Variants in NMUR1 observed in about 807,000 individuals in gnomAD.
NMUR1 encodes neuromedin-U receptor 1.
A neutral mutation model predicts 18.8 loss-of-function variants in NMUR1; 16 were observed. That is an observed-to-expected ratio of 0.85 (90% CI 0.58 to 1.29). NMUR1 has a LOEUF of 1.29. Ranked by LOEUF, NMUR1 falls within the 50% of genes most tolerant of loss-of-function variation. The probability of loss-of-function intolerance (pLI) is 0.00; values close to 1 mark genes in which losing one functional copy is unlikely to be tolerated. For synonymous variants in NMUR1, 258 were observed against 258.2 expected, an observed-to-expected ratio of 1.00 and a Z score of 0.01; for missense variants, 529 against 580.3, an observed-to-expected ratio of 0.91 and a Z score of 0.91.
At chr2:231,529,908 G>C (rs1309076714) in intron 1 of NMUR1, among the ~76,000 whole-genome samples, 1 of 152,238 alleles carries the variant, frequency 6.6e-6, no homozygotes, top group Admixed American at 6.5e-5. Context: ...GAGTGTCAAG[G>C]CTACACACTA....
downstream of NMUR1, among the ~76,000 whole-genome samples, chr2:231,520,483 C>G (rs1348115291): frequency 6.6e-6 from 1 of 152,182 alleles, no homozygotes; most frequent in Non-Finnish European, 1.5e-5. Context: ...AACTCTTTCA[C>G]CCCTGTAAGT....
chr2:231,525,461 C>G (rs756127967), intron 2 of NMUR1, 36 bp from the exon 3 acceptor site: 39 of 1,567,540 alleles, frequency 2.5e-5, no homozygotes, highest in Middle Eastern at 4.1e-4. Context: ...AGTGCCCGCC[C>G]GAGGCCCCTC....
chr2:231,529,199 C>T (rs868118797), intron 1 of NMUR1, among the ~76,000 whole-genome samples, 182 bp from the exon 2 acceptor site: 1 of 152,104 alleles, frequency 6.6e-6, no homozygotes, highest in Admixed American at 6.5e-5. Flanking sequence ...TGCAGTGGCT[C>T]ACACCTGTAA....
intron 2 of NMUR1, among the ~76,000 whole-genome samples, chr2:231,526,139 C>T (rs573506011): frequency 1.2e-5 from 1 of 80,332 alleles, no homozygotes; most frequent in East Asian, 7.8e-4. Flanking sequence ...CAAACCTTCA[C>T]TTTCTCCCCA....
intron 1 of NMUR1, among the ~76,000 whole-genome samples, 198 bp from the exon 2 acceptor site, chr2:231,529,215 A>G (rs2047391837): frequency 6.6e-6 from 1 of 152,136 alleles, no homozygotes; most frequent in Non-Finnish European, 1.5e-5. Context: ...TGTAATCCCA[A>G]CACTTTGGTC....
Position 231,523,631 on chromosome 2 carries a change from C to G in NMUR1, c.*1412G>C, listed in dbSNP as rs1307475018. The G allele has an allele frequency of 6.2e-6, 1 of 160,958 alleles. No individual in the cohort carries two copies. The highest frequency in any genetic ancestry group is 2.4e-5 in the African/African-American group (1 of 41,962). The allele number at this position is 160,958 out of a possible 1,614,324, so 10.0% of individuals were successfully genotyped here. On this transcript the variant is annotated 3_prime_UTR_variant, in exon 3 of 3. Coordinates refer to ENST00000305141, the MANE Select transcript of NMUR1 (RefSeq NM_006056.5). ...CTAGGAAGCTGTCTGCAGGGAGAAC[C>G]CAGACAGACCGACCGAAGGTCATCC... is the stretch of plus-strand genomic sequence containing the variant.
chr2:231,522,125 G>A (rs2047310443), downstream of NMUR1, among the ~76,000 whole-genome samples: 1 of 151,780 alleles, frequency 6.6e-6, no homozygotes, highest in South Asian at 2.1e-4. Flanking sequence ...GACCACAGGT[G>A]TATGCCACCA....
At chr2:231,526,895 G>A (rs1289655386) in intron 2 of NMUR1, among the ~76,000 whole-genome samples, 2 of 152,274 alleles carry the variant, frequency 1.3e-5, no homozygotes, top group African/African-American at 2.4e-5. Flanking sequence ...CCAGGTCCAG[G>A]CCACAGAGAT....
At chr2:231,529,889 C>T (rs2047397940) in intron 1 of NMUR1, among the ~76,000 whole-genome samples, 1 of 152,254 alleles carries the variant, frequency 6.6e-6, no homozygotes, top group Non-Finnish European at 1.5e-5. Flanking sequence ...CTATGAGAGT[C>T]AAGTGAGGGA....
rs1233895973 is a variant in NMUR1, at chr2:231,528,225, T to G, written c.796A>C (p.Met266Leu). The change falls in exon 2 of 3, where the codon ATG becomes CTG. Residue 266 changes from methionine (M) to leucine (L), a missense_variant. Coordinates refer to ENST00000305141, the MANE Select transcript of NMUR1 (RefSeq NM_006056.5). ...LRLRRERLLL[M>L]QEAKGRGSAA... ...GAGCCCCTGCCCTTGGCCTCCTGCA[T>G]GAGCAGCAGCCTCTCCCGCCGCAGT... 1 of 1,612,682 alleles carries G rather than the reference T, an allele frequency of 6.2e-7. No homozygotes were observed. Among genetic ancestry groups the G allele is most frequent in the Admixed American group, 1.7e-5 (1 of 59,962 alleles).
At chr2:231,525,843 C>A (rs1390960034) in intron 2 of NMUR1, among the ~76,000 whole-genome samples, 1 of 152,184 alleles carries the variant, frequency 6.6e-6, no homozygotes, top group Non-Finnish European at 1.5e-5. Context: ...TGCATAAGTA[C>A]AGAAAAGAAG....
intron 1 of NMUR1, among the ~76,000 whole-genome samples, chr2:231,529,598 G>T (rs1575290564): frequency 6.6e-6 from 1 of 152,114 alleles, no homozygotes; most frequent in East Asian, 1.9e-4. Context: ...CCTCTTTCAA[G>T]CAATGATGCT....
chr2:231,521,350 G>A (rs1443814480), downstream of NMUR1, among the ~76,000 whole-genome samples: 1 of 152,174 alleles, frequency 6.6e-6, no homozygotes, highest in Non-Finnish European at 1.5e-5. Context: ...ACTCCTGTCT[G>A]GGTGACCAAG....
chr2:231,525,098 T>C lies in NMUR1; in HGVS notation c.1226A>G (p.His409Arg). ...TGGGCCATCGTTCCCAGCCAGGGGG[T>C]GGACCCAGCTGCCCAGGGAGCCCAC... ...CDVGSLGSWV[H>R]PLAGNDGPEA... The change falls in exon 3 of 3, where the codon CAC becomes CGC. Residue 409 changes from histidine (H) to arginine (R), a missense_variant. Physicochemically the swap from His to Arg is conservative, Grantham distance 29 (BLOSUM62 0). Coordinates refer to ENST00000305141, the MANE Select transcript of NMUR1 (RefSeq NM_006056.5). 1.2e-6 allele frequency: 2 copies of C among 1,609,910 alleles called. No homozygotes were observed. The highest frequency in any genetic ancestry group is 1.7e-6 in the Non-Finnish European group (2 of 1,177,806).
At chr2:231,525,590 C>T (rs1421329103) in intron 2 of NMUR1, among the ~76,000 whole-genome samples, 165 bp from the exon 3 acceptor site, 1 of 152,256 alleles carries the variant, frequency 6.6e-6, no homozygotes, top group African/African-American at 2.4e-5. Context: ...TCTGGCCATG[C>T]CTCTCTCAGA....
chr2:231,520,927 A>T (rs35559215), downstream of NMUR1, among the ~76,000 whole-genome samples: 1 of 152,186 alleles, frequency 6.6e-6, no homozygotes, highest in Admixed American at 6.5e-5. Context: ...CCTTTTTCTG[A>T]GAAGGGAAGA....
chr2:231,528,407 A>T lies in NMUR1; in HGVS notation c.614T>A (p.Leu205Gln), dbSNP rs938147539. The T allele has an allele frequency of 6.2e-7, 1 of 1,613,726 alleles. No homozygotes were observed. The highest frequency in any genetic ancestry group is 1.3e-5 in the African/African-American group (1 of 75,070). Residue 205 changes from leucine to glutamine, a missense_variant, in exon 2 of 3, where the codon CTG becomes CAG. Physicochemically the swap from Leu to Gln is moderately radical, Grantham distance 113. Coordinates refer to ENST00000305141, the MANE Select transcript of NMUR1 (RefSeq NM_006056.5). ...PNTSLHGIRQ[L>Q]HVPCRGPVPD... ...CACTGGGCCCCGGCAGGGCACGTGC[A>T]GCTGCCGGATGCCGTGCAGGCTGGT... is the stretch of plus-strand genomic sequence containing the variant.
At chr2:231,528,069 C>T (rs951846311) in intron 2 of NMUR1, 54 bp downstream of exon 2, 1 of 1,504,454 alleles carries the variant, frequency 6.6e-7, no homozygotes, top group African/African-American at 1.4e-5. Context: ...CCCAGGAGCC[C>T]CAAACTCATA....
chr2:231,521,957 C>T (rs1046696907), downstream of NMUR1, among the ~76,000 whole-genome samples: 1 of 132,502 alleles, frequency 7.5e-6, no homozygotes, highest in African/African-American at 2.7e-5. Context: ...AAAGGGGCAC[C>T]CTTCTTTTTT....
Sources: gnomAD v4.1 joint callset for allele counts (sites outside exome capture counted in the v4.1 genomes callset) on GRCh38, gnomAD v4.1.1 for gene constraint, MANE v1.5 for transcripts, NCBI Gene and HGNC (gene_info 2026-07-23, HGNC 2026-07-21) for gene names.